DCAF8L2: variants seen among roughly 807,000 people sequenced by gnomAD.
DCAF8L2 encodes the protein DDB1 and CUL4 associated factor 8 like 2, also known as DDB1- and CUL4-associated factor 8-like protein 2.
For synonymous variants in DCAF8L2, 200 were observed against 190.9 expected (o/e 1.05, Z -0.39); for missense variants, 430 against 490.7 (o/e 0.88, Z 1.17).
At chrX:27,524,608 T>C in the DCAF8L2 span, among the ~76,000 whole-genome samples, 4 of 110,833 alleles carry the variant, frequency 3.6e-5, no homozygotes, top group Non-Finnish European at 1.9e-5. Context: ...TCTAGTTCTT[T>C]TAATTGTGAT....
intron 3 of DCAF8L2, among the ~76,000 whole-genome samples, chrX:27,707,320 A>C (rs1931376996): frequency 8.9e-6 from 1 of 111,859 alleles, no homozygotes; most frequent in African/African-American, 3.2e-5. Flanking sequence ...TAATGTGCAT[A>C]TTGTAGTTTT....
At chrX:27,603,050 C>A (rs73549445) in intron 1 of DCAF8L2, among the ~76,000 whole-genome samples, 8,769 of 111,235 alleles carry the variant, frequency 0.079, 645 homozygotes, top group African/African-American at 0.24. Context: ...TTACAAGTGA[C>A]AGAGACAATT....
the DCAF8L2 span, among the ~76,000 whole-genome samples, chrX:27,531,890 T>A: frequency 9.0e-6 from 1 of 111,344 alleles, no homozygotes; most frequent in Non-Finnish European, 1.9e-5. Context: ...CTAGGCACCA[T>A]ATATCGAAAA....
intron 1 of DCAF8L2, among the ~76,000 whole-genome samples, chrX:27,602,118 G>T (rs1405398206): frequency 9.0e-6 from 1 of 110,775 alleles, no homozygotes. Flanking sequence ...GTGCAGTAGC[G>T]CAAGTCTCCC....
the DCAF8L2 span, among the ~76,000 whole-genome samples, chrX:27,538,354 C>T: frequency 9.0e-6 from 1 of 111,317 alleles, no homozygotes; most frequent in Admixed American, 9.6e-5. Flanking sequence ...CAAACAAACC[C>T]CAAGCCTTAG....
chrX:27,584,334 T>C, the DCAF8L2 span, among the ~76,000 whole-genome samples: 1 of 110,404 alleles, frequency 9.1e-6, no homozygotes, highest in Non-Finnish European at 1.9e-5. Flanking sequence ...CATTTCCTCC[T>C]CCTAAGTTGA....
the DCAF8L2 span, among the ~76,000 whole-genome samples, chrX:27,545,000 A>C: frequency 8.9e-6 from 1 of 112,390 alleles, no homozygotes; most frequent in Admixed American, 9.5e-5. Flanking sequence ...TCTAGAGTTT[A>C]AAAATTTTAG....
chrX:27,737,467 C>T (rs192638317), intron 4 of DCAF8L2, among the ~76,000 whole-genome samples: 4 of 111,534 alleles, frequency 3.6e-5, no homozygotes, highest in Admixed American at 9.6e-5. Context: ...CAGAGGAGCA[C>T]GGGAATGCAT....
the DCAF8L2 span, among the ~76,000 whole-genome samples, chrX:27,580,573 G>A: frequency 1.3e-4 from 14 of 111,156 alleles, no homozygotes; most frequent in African/African-American, 3.3e-4. Flanking sequence ...AGATTATCCC[G>A]TGCCCTGAAG....
At chrX:27,541,538 T>C in the DCAF8L2 span, among the ~76,000 whole-genome samples, 1 of 108,349 alleles carries the variant, frequency 9.2e-6, no homozygotes, top group East Asian at 2.9e-4. Context: ...CTGACTAATT[T>C]TGTATTTTCA....
intron 3 of DCAF8L2, among the ~76,000 whole-genome samples, chrX:27,693,581 T>C (rs1284237722): frequency 9.0e-6 from 1 of 111,568 alleles, no homozygotes; most frequent in Non-Finnish European, 1.9e-5. Context: ...ATTTCCTTTT[T>C]CAGATGTGTT....
the DCAF8L2 span, among the ~76,000 whole-genome samples, chrX:27,511,368 A>C: frequency 1.8e-5 from 2 of 111,143 alleles, no homozygotes; most frequent in African/African-American, 3.3e-5. Flanking sequence ...GAAATTTTTC[A>C]TGTGTACATT....
chrX:27,639,518 A>G (rs1928623209), intron 2 of DCAF8L2, among the ~76,000 whole-genome samples: 1 of 111,806 alleles, frequency 8.9e-6, no homozygotes, highest in Non-Finnish European at 1.9e-5. Context: ...TTCACATTGC[A>G]TCACTGCATA....
the DCAF8L2 span, chrX:27,518,143 G>T: frequency 1.1e-6 from 1 of 929,874 alleles, no homozygotes; most frequent in Non-Finnish European, 1.6e-6. Flanking sequence ...AGTTTAAGAA[G>T]CCATCTTAAA....
intron 2 of DCAF8L2, among the ~76,000 whole-genome samples, chrX:27,656,126 G>A (rs1929342451): frequency 9.0e-6 from 1 of 111,504 alleles, no homozygotes; most frequent in Admixed American, 9.6e-5. Context: ...AAGTTTGCAT[G>A]TGTGATGTAT....
At chrX:27,518,177 A>C in the DCAF8L2 span, 1 of 909,713 alleles carries the variant, frequency 1.1e-6, no homozygotes, top group Non-Finnish European at 1.6e-6. Flanking sequence ...TGCCCGCCAG[A>C]AACTGCAGTT....
intron 1 of DCAF8L2, among the ~76,000 whole-genome samples, chrX:27,631,147 CATG>C (rs1365071742): frequency 8.9e-6 from 1 of 111,771 alleles, no homozygotes; most frequent in African/African-American, 3.2e-5. Context: ...CTAAAAATCA[CATG>C]ATCTTTTTAA....
chrX:27,619,213 A>G (rs767795891), intron 1 of DCAF8L2, among the ~76,000 whole-genome samples: 2 of 111,659 alleles, frequency 1.8e-5, no homozygotes, highest in Non-Finnish European at 3.8e-5. Context: ...CATAAGATTT[A>G]TTTATTCCAG....
At chrX:27,496,566 G>T in the DCAF8L2 span, among the ~76,000 whole-genome samples, 1 of 111,697 alleles carries the variant, frequency 9.0e-6, no homozygotes, top group African/African-American at 3.3e-5. Flanking sequence ...CTTGCAGCAT[G>T]TATCAAAACA....
Sources: allele counts gnomAD v4.1 joint callset (sites outside exome capture counted in the v4.1 genomes callset), GRCh38; gene constraint gnomAD v4.1.1; transcripts MANE v1.5; gene names NCBI Gene and HGNC (gene_info 2026-07-23, HGNC 2026-07-21).